The following CD163L1 variants were observed in gnomAD, a reference collection of about 807,000 sequenced individuals.
CD163L1 encodes CD163 molecule like 1.
A neutral mutation model predicts 165.4 loss-of-function variants in CD163L1; 124 were observed. The ratio of observed to expected loss-of-function variants is 0.75; its 90% CI spans 0.65 to 0.87. The LOEUF is 0.87. Ranked by LOEUF, CD163L1 falls within the 40% of genes least tolerant of loss-of-function variation. The pLI, the probability that CD163L1 is intolerant of heterozygous loss-of-function variation, is 0.00. For synonymous variants in CD163L1, 585 were observed against 662.2 expected, an observed-to-expected ratio of 0.88 and a Z score of 1.79; for missense variants, 1,525 against 1,799.9, an observed-to-expected ratio of 0.85 and a Z score of 2.76.
intron 8 of CD163L1, among the ~76,000 whole-genome samples, chr12:7,395,757 GTTTA>G (rs1177247116): frequency 1.3e-5 from 2 of 151,830 alleles, no homozygotes; most frequent in African/African-American, 4.8e-5. Flanking sequence ...CAACACAAGG[GTTTA>G]TTTATTTAAA....
At chr12:7,362,595 T>C (rs906392682) in intron 18 of CD163L1, among the ~76,000 whole-genome samples, 2 of 144,540 alleles carry the variant, frequency 1.4e-5, no homozygotes, top group African/African-American at 5.0e-5. Flanking sequence ...TAATATAATA[T>C]AAATTTATAG....
At chr12:7,434,212 A>C (rs1948682812) in intron 2 of CD163L1, among the ~76,000 whole-genome samples, 1 of 152,174 alleles carries the variant, frequency 6.6e-6, no homozygotes, top group Non-Finnish European at 1.5e-5. Context: ...AAATACATTC[A>C]ACAATAGGCC....
the CD163L1 span, among the ~76,000 whole-genome samples, chr12:7,332,872 C>G: frequency 7.2e-5 from 11 of 152,316 alleles, no homozygotes; most frequent in Admixed American, 1.3e-4. Context: ...GAAACTGCAT[C>G]AACTAATGAG....
chr12:7,346,611 T>TA (rs775640163), downstream of CD163L1: 2 of 152,202 alleles, frequency 1.3e-5, no homozygotes, highest in African/African-American at 2.4e-5. Flanking sequence ...TTTCCAGTGT[T>TA]AAACAAATTC....
Position 7,368,194 on chromosome 12 carries a change from T to G in CD163L1, c.4076A>C (p.His1359Pro). ...SLKSLNASSGHLALILSSIFG... is the reference protein window; with the variant it reads ...SLKSLNASSGPLALILSSIFG... ...GATACTGGATAAAATAAGTGCTAAA[T>G]GACCTGTATAGAAATTAAGCATTGA... The change falls in exon 17 of 20, where the codon CAT (histidine) becomes CCT (proline). Residue 1359 changes from histidine (H) to proline (P), a missense_variant. By Grantham distance (77) the His-to-Pro change is moderately conservative. Coordinates refer to ENST00000313599, the MANE Select transcript of CD163L1 (RefSeq NM_174941.6). The surrounding 1 kb of genome is among the most constrained non-coding windows in gnomAD (Gnocchi z 4.3). 6.5e-7 allele frequency: 1 copy of G among 1,541,896 alleles called. No individual in the cohort carries two copies. The highest frequency in any genetic ancestry group is 1.1e-5 in the South Asian group (1 of 89,618).
At chr12:7,384,336 AAGG>A (rs775075754) in intron 8 of CD163L1, among the ~76,000 whole-genome samples, 17 of 152,268 alleles carry the variant, frequency 1.1e-4, no homozygotes, top group South Asian at 4.1e-4. Flanking sequence ...GGTGTTCCAG[AAGG>A]AGAAGAGATG....
At chr12:7,331,495 T>A in the CD163L1 span, among the ~76,000 whole-genome samples, 1 of 152,284 alleles carries the variant, frequency 6.6e-6, no homozygotes. Context: ...CTCAAGTGGG[T>A]CCCTGACCCC....
At chr12:7,345,282 T>A (rs1946662147), downstream of CD163L1, among the ~76,000 whole-genome samples, 1 of 152,196 alleles carries the variant, frequency 6.6e-6, no homozygotes, top group Non-Finnish European at 1.5e-5. Context: ...CCAGGCCACA[T>A]CTTGAATGCT....
At chr12:7,389,499 T>C (rs1046883909) in intron 8 of CD163L1, among the ~76,000 whole-genome samples, 1 of 151,962 alleles carries the variant, frequency 6.6e-6, no homozygotes, top group South Asian at 2.1e-4. Context: ...TAGAAGGATG[T>C]TTATCAGAGG....
chr12:7,433,233 AG>A, intron 3 of CD163L1, 140 bp downstream of exon 3: 1 of 622,390 alleles, frequency 1.6e-6, no homozygotes, highest in East Asian at 2.9e-5. Context: ...TTTGGAAATA[AG>A]GGAAGGGTAG....
chr12:7,331,618 G>A, the CD163L1 span, among the ~76,000 whole-genome samples: 2 of 152,162 alleles, frequency 1.3e-5, no homozygotes, highest in South Asian at 2.1e-4. Context: ...CAGCATTTGC[G>A]GTTCACCAAT....
chr12:7,443,786 CA>C (rs960696366), intron 1 of CD163L1, among the ~76,000 whole-genome samples: 4 of 152,114 alleles, frequency 2.6e-5, no homozygotes, highest in African/African-American at 9.7e-5. Flanking sequence ...CACTTGATAA[CA>C]ATAAGTTTCT....
the CD163L1 span, chr12:7,320,895 C>T: frequency 2.7e-6 from 3 of 1,104,558 alleles, no homozygotes; most frequent in South Asian, 4.0e-5. Context: ...ATAGCTCAGG[C>T]TTTCTCAGTC....
In CD163L1 at chr12:7,357,468, C is replaced by A; in HGVS notation, c.4298G>T (p.Gly1433Val). Residue 1433 changes from glycine to valine, a missense_variant, in exon 19 of 20, where the codon GGT (glycine) becomes GTT (valine). Gly to Val is a moderately radical substitution (Grantham distance 109). Transcript: ENST00000313599. ...TRTSDDTPNH[G>V]CEDASDTSLL... Reference sequence around the variant, plus strand: ...CGATGTGTCGCTAGCATCTTCACAACCATGGTTGGGGGTGTCATCTGAAAG... The same window carrying A: ...CGATGTGTCGCTAGCATCTTCACAAACATGGTTGGGGGTGTCATCTGAAAG... 3.7e-6 allele frequency: 6 copies of A among 1,612,572 alleles called. No homozygotes were observed. Among genetic ancestry groups the A allele is most frequent in the Non-Finnish European group, 5.1e-6 (6 of 1,179,010 alleles).
intron 2 of CD163L1, among the ~76,000 whole-genome samples, chr12:7,434,374 T>G (rs187488211): frequency 1.3e-5 from 2 of 152,102 alleles, no homozygotes; most frequent in African/African-American, 4.8e-5. Flanking sequence ...TCTTAAAAAT[T>G]TGAAATAAGT....
intron 19 of CD163L1, among the ~76,000 whole-genome samples, chr12:7,356,338 T>C (rs1416784672): frequency 6.6e-6 from 1 of 152,134 alleles, no homozygotes; most frequent in Non-Finnish European, 1.5e-5. Flanking sequence ...ATTATCTAAA[T>C]GGTTTTTGTG....
chr12:7,384,172 A>T (rs1028131557), intron 8 of CD163L1, among the ~76,000 whole-genome samples: 8 of 121,082 alleles, frequency 6.6e-5, no homozygotes, highest in South Asian at 5.8e-4. Flanking sequence ...TGAAAAACAT[A>T]AAAAAAATCA....
chr12:7,349,876 A>G (rs972525051), intron 4 of CD163L1, among the ~76,000 whole-genome samples: 4 of 152,172 alleles, frequency 2.6e-5, no homozygotes, highest in Non-Finnish European at 4.4e-5. Context: ...GAGGAGTGAT[A>G]GTATATCTCA....
At chr12:7,414,610 A>G (rs1948200952) in intron 4 of CD163L1, among the ~76,000 whole-genome samples, 1 of 152,190 alleles carries the variant, frequency 6.6e-6, no homozygotes, top group Non-Finnish European at 1.5e-5. Context: ...AATAATCCCA[A>G]GGAACTCCAA....
Sources: allele counts gnomAD v4.1 joint callset (sites outside exome capture counted in the v4.1 genomes callset), GRCh38; gene constraint gnomAD v4.1.1; non-coding constraint Gnocchi (gnomAD v3.1); transcripts MANE v1.5; gene names NCBI Gene and HGNC (gene_info 2026-07-23, HGNC 2026-07-21).